MMRN2: variants seen among roughly 807,000 people sequenced by gnomAD.
MMRN2 encodes the protein multimerin 2.
In MMRN2, 53 loss-of-function variants were observed where a neutral mutation model predicts 68.8. That is an observed-to-expected ratio of 0.77 (90% CI 0.62 to 0.97). The LOEUF (loss-of-function observed/expected upper bound fraction) is 0.97. Among genes scored for constraint, MMRN2 ranks in the 50% least tolerant of loss-of-function variants. MMRN2 has a pLI of 0.00. For synonymous variants in MMRN2, 564 were observed against 551.6 expected (o/e 1.02, Z -0.32); for missense variants, 1,266 against 1,259.5 (o/e 1.01, Z -0.08).
rs201470812 is a variant in MMRN2, at chr10:86,937,041, A to C, written c.2552T>G (p.Ile851Ser). The change falls in exon 7 of 7, where the codon ATT (isoleucine) becomes AGT (serine). Residue 851 changes from isoleucine (I) to serine (S), a missense_variant. Transcript: ENST00000372027. ...TVKFNTTYIN[I>S]GSSYFPEHGY... is the part of the protein sequence containing the mutation. ...ATGTTCAGGGAAGTAGCTGCTGCCA[A>C]TGTTGATGTATGTGGTGTTGAACTT... The C allele has an allele frequency of 6.2e-7, 1 of 1,614,194 alleles. No homozygotes were observed. The highest frequency in any genetic ancestry group is 1.3e-5 in the African/African-American group (1 of 75,050).
At position 86,953,235 on chromosome 10, in the gene MMRN2, C is replaced by T. The variant is rs183323064; in HGVS notation, c.164+4143G>A. ...GTCCTGAGGTGATGTACATCCTCAG[C>T]TTATGAAGATAACAGGATTAAGAGA... On this transcript the variant is annotated intron_variant, in intron 1 of 6. Coordinates refer to ENST00000372027, the MANE Select transcript of MMRN2 (RefSeq NM_024756.3). 2.8e-3 allele frequency among the ~76,000 whole-genome samples: 430 copies of T among 152,158 alleles called. 3 individuals are homozygous for T. Among genetic ancestry groups the T allele is most frequent in the South Asian group, 0.011 (55 of 4,828 alleles).
intron 6 of MMRN2, among the ~76,000 whole-genome samples, chr10:86,941,602 A>T (rs1049839636): frequency 2.6e-5 from 4 of 151,990 alleles, no homozygotes; most frequent in African/African-American, 9.7e-5. Context: ...ATTTGAGACC[A>T]GCCTGGGCAC....
At chr10:86,944,655 T>C (rs1844040417) in intron 4 of MMRN2, 1 of 557,466 alleles carries the variant, frequency 1.8e-6, no homozygotes, top group Non-Finnish European at 3.1e-6. Context: ...TAATCAATCA[T>C]GGTACACTCC....
Position 86,937,323 on chromosome 10 carries a change from G to A in MMRN2, c.2468-198C>T, listed in dbSNP as rs142556262. 5.9e-5 allele frequency among the ~76,000 whole-genome samples: 9 copies of A among 152,308 alleles called. 1 individual carries two copies. Among genetic ancestry groups the A allele is most frequent in the African/African-American group, 2.2e-4 (9 of 41,570 alleles). ...AATTCTGTTTTTCACTAATAGAGAGGAAGGAAAATGCAAGTCTGTTGTCTG... is the reference window on the plus strand; with the variant it reads ...AATTCTGTTTTTCACTAATAGAGAGAAAGGAAAATGCAAGTCTGTTGTCTG... On this transcript the variant is annotated intron_variant, in intron 6 of 6. Transcript: ENST00000372027.
At chr10:86,939,586 C>G (rs1843930976) in intron 6 of MMRN2, among the ~76,000 whole-genome samples, 1 of 152,142 alleles carries the variant, frequency 6.6e-6, no homozygotes, top group African/African-American at 2.4e-5. Flanking sequence ...AAGGCCGGCC[C>G]GCAGCGCCCT....
rs772822797 is a variant in MMRN2, at chr10:86,943,217, C to T, written c.1567G>A (p.Asp523Asn). 1.9e-6 allele frequency: 3 copies of T among 1,610,256 alleles called. No individual in the cohort carries two copies. Among genetic ancestry groups the T allele is most frequent in the East Asian group, 2.2e-5 (1 of 44,780 alleles). ...GAGCCGTCCAGCTGCCGCCGCTCGT[C>T]CAGGCTCACCTGGGTCTCCTCCAGG... ...RALEETQVSL[D>N]ERRQLDGSSL... is the part of the protein sequence containing the mutation. Residue 523 changes from aspartate (D) to asparagine (N), a missense_variant, in exon 6 of 7, where the codon GAC becomes AAC. Physicochemically the swap from Asp to Asn is conservative, Grantham distance 23. Transcript: ENST00000372027. The surrounding 1 kb of genome is among the most constrained non-coding windows in gnomAD (Gnocchi z 4.2).
chr10:86,946,774 C>T (rs1416594206), intron 1 of MMRN2, among the ~76,000 whole-genome samples: 2 of 152,190 alleles, frequency 1.3e-5, no homozygotes, highest in Non-Finnish European at 2.9e-5. Context: ...CCGGGTGCTG[C>T]ACTCAAGCTC....
chr10:86,942,620 C>T lies in MMRN2; in HGVS notation c.2164G>A (p.Gly722Arg), dbSNP rs764221591. ...AGGGAGGCGTTGAGGGAGGCGGCCC[C>T]GGCCCCGGCCTCGGCCTCGCAGCAC... ...GRCCEAEAGAGAASLNASLHG... is the reference protein window; with the variant it reads ...GRCCEAEAGARAASLNASLHG... The change falls in exon 6 of 7, where the codon GGG becomes AGG. Residue 722 changes from glycine to arginine, a missense_variant. Coordinates refer to ENST00000372027, the MANE Select transcript of MMRN2 (RefSeq NM_024756.3). 1.4e-5 allele frequency: 23 copies of T among 1,604,464 alleles called. No individual in the cohort carries two copies. The African/African-American group carries it at 1.7e-4, about 12-fold the overall frequency.
chr10:86,936,334 TTC>T lies in MMRN2; in HGVS notation c.*407_*408del, dbSNP rs1843877764. The T allele has an allele frequency of 2.3e-5, 10 of 425,816 alleles. No homozygotes were observed. Among genetic ancestry groups the T allele is most frequent in the Admixed American group, 1.5e-4 (4 of 26,116 alleles). The allele number at this position is 425,816 out of a possible 1,614,324, so 26.4% of individuals were successfully genotyped here. A position where few individuals can be genotyped will look rare whatever the true frequency, so the allele number is the denominator to read the frequency against. On this transcript the variant is annotated 3_prime_UTR_variant, in exon 7 of 7. Coordinates refer to ENST00000372027, the MANE Select transcript of MMRN2 (RefSeq NM_024756.3). The stretch of plus-strand genomic sequence containing the variant: ...ACATTCCTCCTGGGGAAGAATGTCT[TTC>T]TATCATACGATAAGGGAGAAGAGAA...
intron 1 of MMRN2, among the ~76,000 whole-genome samples, chr10:86,955,017 C>T (rs1450267684): frequency 6.6e-6 from 1 of 152,236 alleles, no homozygotes; most frequent in African/African-American, 2.4e-5. Flanking sequence ...AAGCCTGAGG[C>T]TGGTGACTGG....
intron 1 of MMRN2, among the ~76,000 whole-genome samples, chr10:86,947,968 G>A (rs778891963): frequency 1.3e-4 from 20 of 152,030 alleles, no homozygotes; most frequent in Non-Finnish European, 2.4e-4. Flanking sequence ...GTACAGTGGC[G>A]CACGCCTGTA....
At chr10:86,939,122 G>T (rs1179396468) in intron 6 of MMRN2, among the ~76,000 whole-genome samples, 1 of 123,716 alleles carries the variant, frequency 8.1e-6, no homozygotes. Flanking sequence ...AGATCACGCC[G>T]TTGCACTCCA....
At position 86,944,112 on chromosome 10, in the gene MMRN2, G is replaced by A. The variant is rs1458843157; in HGVS notation, c.672C>T (p.Ser224=). ...CGTGGGGTAGCAGCACCTGCTCCAA[G>A]GATCTATCAGGGAACTCTGCAACAG... The part of the protein sequence containing the change: ...NQTGHEFPDR[S]LEQVLLPHVD... The change falls in exon 6 of 7, where the codon TCC becomes TCT. Residue 224 remains serine (S), a synonymous_variant. Coordinates refer to ENST00000372027, the MANE Select transcript of MMRN2 (RefSeq NM_024756.3). 1 of 1,613,668 alleles carries A rather than the reference G, an allele frequency of 6.2e-7. No homozygotes were observed. Among genetic ancestry groups the A allele is most frequent in the Admixed American group, 1.7e-5 (1 of 60,000 alleles).
At position 86,944,059 on chromosome 10, in the gene MMRN2, C is replaced by T; in HGVS notation, c.725G>A (p.Ser242Asn). Reference protein sequence around the residue: ...HVDTFLQVHFSPIWRSFNQSL... With the variant: ...HVDTFLQVHFNPIWRSFNQSL... ...TTGGTTAAAGCTCCTCCAGATGGGG[C>T]TGAAATGCACTTGTAGGAAGGTGTC... The change falls in exon 6 of 7, where the codon AGC becomes AAC. Residue 242 changes from serine to asparagine, a missense_variant. Transcript: ENST00000372027. The T allele has an allele frequency of 6.2e-7, 1 of 1,614,154 alleles. No homozygotes were observed. The highest frequency in any genetic ancestry group is 8.5e-7 in the Non-Finnish European group (1 of 1,180,036).
chr10:86,936,780 C>A lies in MMRN2; in HGVS notation c.2813G>T (p.Gly938Val), dbSNP rs374811108. Residue 938 changes from glycine (G) to valine (V), a missense_variant, in exon 7 of 7, where the codon GGC (glycine) becomes GTC (valine). Physicochemically the swap from Gly to Val is moderately radical, Grantham distance 109. Transcript: ENST00000372027. ...CATCAGGAAGCCCCCAAATGCAGTG[C>A]CCGACAGGCTTCTCTTTGTTATTGA... ...QGSITKRSLS[G>V]TAFGGFLMFK... The A allele has an allele frequency of 5.4e-5, 87 of 1,614,080 alleles. No homozygotes were observed. The highest frequency in any genetic ancestry group is 7.1e-5 in the Non-Finnish European group (84 of 1,180,048).
intron 1 of MMRN2, among the ~76,000 whole-genome samples, chr10:86,953,317 C>T (rs1844169029): frequency 6.6e-6 from 1 of 152,098 alleles, no homozygotes; most frequent in Admixed American, 6.5e-5. Flanking sequence ...GATAAATGTC[C>T]ATATTAAAAT....
rs779499912 is a variant in MMRN2 at position 86,944,157 on chromosome 10, C to T, written c.656-29G>A. 4 of 1,604,564 alleles carry T rather than the reference C, an allele frequency of 2.5e-6. No homozygotes were observed. In the East Asian group the frequency reaches 8.9e-5, roughly 36 times the overall value. ...CAACAGACATGTGGTGTGACACAAG[C>T]CCTGCAGGAGCAGACACTCCTCCCA... On this transcript the variant is annotated intron_variant, in intron 5 of 6. Transcript: ENST00000372027.
chr10:86,944,054 T>C lies in MMRN2; in HGVS notation c.730A>G (p.Ile244Val), dbSNP rs982608887. The change falls in exon 6 of 7, where the codon ATC becomes GTC. Residue 244 changes from isoleucine to valine, a missense_variant. Coordinates refer to ENST00000372027, the MANE Select transcript of MMRN2 (RefSeq NM_024756.3). The part of the protein sequence containing the change: ...DTFLQVHFSP[I>V]WRSFNQSLHS... ...AGGCTTTGGTTAAAGCTCCTCCAGA[T>C]GGGGCTGAAATGCACTTGTAGGAAG... 1 of 1,614,086 alleles carries C rather than the reference T, an allele frequency of 6.2e-7. No individual in the cohort carries two copies. Among genetic ancestry groups the C allele is most frequent in the African/African-American group, 1.3e-5 (1 of 75,042 alleles).
intron 1 of MMRN2, among the ~76,000 whole-genome samples, chr10:86,956,074 G>T (rs1409149291): frequency 6.6e-6 from 1 of 152,118 alleles, no homozygotes; most frequent in Non-Finnish European, 1.5e-5. Context: ...GGTGGCCTGA[G>T]ACTAAGGCGT....
Sources: allele counts gnomAD v4.1 joint callset (sites outside exome capture counted in the v4.1 genomes callset), GRCh38; gene constraint gnomAD v4.1.1; non-coding constraint Gnocchi (gnomAD v3.1); transcripts MANE v1.5; gene names NCBI Gene and HGNC (gene_info 2026-07-23, HGNC 2026-07-21).